The following HERC2 variants were observed in gnomAD, a reference collection of about 807,000 sequenced individuals.
HERC2 encodes the protein HECT and RLD domain containing E3 ubiquitin protein ligase 2.
Under a neutral mutation model 537.7 loss-of-function variants are expected in HERC2, and 102 were observed. The observed-to-expected ratio is 0.19, with a 90% confidence interval of 0.16 to 0.22. HERC2 has a LOEUF of 0.22. Among genes scored for constraint, HERC2 ranks in the 10% least tolerant of loss-of-function variants. HERC2 has a pLI of 1.00. For missense variants in HERC2, 4,236 were observed against 6,198.2 expected, an observed-to-expected ratio of 0.68 and a Z score of 10.63; for synonymous variants, 2,224 against 2,466.2, an observed-to-expected ratio of 0.90 and a Z score of 2.91.
At chr15:28,282,432 CAT>C (rs1292458740) in intron 4 of HERC2, among the ~76,000 whole-genome samples, 4 of 151,902 alleles carry the variant, frequency 2.6e-5, no homozygotes, top group East Asian at 1.9e-4. Context: ...ATTACAAACA[CAT>C]GTGAAATAAA....
rs927342414 is a variant in HERC2, at chr15:28,265,129, A to C, written c.1870+489T>G. 1.9e-4 allele frequency among the ~76,000 whole-genome samples: 29 copies of C among 152,150 alleles called. No homozygotes were observed. Among genetic ancestry groups the C allele is most frequent in the Non-Finnish European group, 3.1e-4 (21 of 68,042 alleles). The stretch of plus-strand genomic sequence containing the variant: ...CCACCACAATACTGAAAGACGAGTC[A>C]TTTCTAAAATATTAACATGACTTTA... On this transcript the variant is annotated intron_variant, in intron 14 of 92. Transcript: ENST00000261609. The surrounding 1 kb of genome is among the most constrained non-coding windows in gnomAD (Gnocchi z 4.0).
chr15:28,190,670 G>T, intron 55 of HERC2: 1 of 458,028 alleles, frequency 2.2e-6, no homozygotes, highest in Non-Finnish European at 3.9e-6. Context: ...GTGTTCAGAT[G>T]CAATCAGCAA....
chr15:28,191,870 CT>C, intron 53 of HERC2, 90 bp downstream of exon 53: 1 of 1,181,734 alleles, frequency 8.5e-7, no homozygotes, highest in Non-Finnish European at 1.2e-6. Flanking sequence ...ATCAGCAAAA[CT>C]TTGCAGGCTG....
chr15:28,152,890 A>C (rs539739338), intron 69 of HERC2, 60 bp from the exon 70 acceptor site: 2 of 1,508,540 alleles, frequency 1.3e-6, no homozygotes, highest in Admixed American at 2.0e-5. Flanking sequence ...GGTCACCTGC[A>C]TGCCACCTCT....
At chr15:28,271,009 T>C (rs1215668045) in intron 9 of HERC2, 141 bp from the exon 10 acceptor site, 10 of 684,566 alleles carry the variant, frequency 1.5e-5, no homozygotes, top group Middle Eastern at 4.1e-4. Context: ...AGTTATACTA[T>C]ACATCTATAT....
Position 28,220,528 on chromosome 15 carries a change from T to C in HERC2, c.5769A>G (p.Lys1923=). ...TNSYRMGKEG[K]YDLKLAELPA... ...GCAGCTCTGCCAGCTTGAGGTCGTA[T>C]TTTCCTTCTTTCCCCATCCTGTAGG... is the stretch of plus-strand genomic sequence containing the variant. The change falls in exon 37 of 93, where the codon AAA becomes AAG. Residue 1923 remains lysine, a synonymous_variant. Coordinates refer to ENST00000261609, the MANE Select transcript of HERC2 (RefSeq NM_004667.6). The C allele has an allele frequency of 6.2e-7, 1 of 1,601,518 alleles. No individual in the cohort carries two copies. Among genetic ancestry groups the C allele is most frequent in the Non-Finnish European group, 8.5e-7 (1 of 1,179,790 alleles).
intron 2 of HERC2, among the ~76,000 whole-genome samples, chr15:28,315,176 CAAG>C (rs1221104848): frequency 6.6e-6 from 1 of 152,202 alleles, no homozygotes; most frequent in African/African-American, 2.4e-5. Flanking sequence ...TAAAATAGTC[CAAG>C]GAGGAAAGAA....
intron 7 of HERC2, among the ~76,000 whole-genome samples, 185 bp downstream of exon 7, chr15:28,274,106 G>C (rs1230069189): frequency 1.3e-5 from 2 of 152,212 alleles, no homozygotes; most frequent in Admixed American, 6.5e-5. Flanking sequence ...TCTAGTCAGA[G>C]TATCATAAAT....
intron 45 of HERC2, among the ~76,000 whole-genome samples, chr15:28,204,925 G>A (rs560723376): frequency 1.3e-5 from 2 of 152,196 alleles, no homozygotes; most frequent in South Asian, 2.1e-4. Flanking sequence ...AAAGAGCAAG[G>A]CAGGGGGAAA....
chr15:28,273,308 TCTAG>T (rs966551267), intron 7 of HERC2: 3 of 440,478 alleles, frequency 6.8e-6, no homozygotes, highest in African/African-American at 4.0e-5. Context: ...TAGAAGAATA[TCTAG>T]CTATCTTTTC....
Position 28,144,150 on chromosome 15 carries a change from G to T in HERC2, c.11226C>A (p.Asn3742Lys). ...LVTCLLDFRL[N>K]LASNRSIVPR... is the part of the protein sequence containing the mutation. ...GGACGATGCTTCTGTTAGAGGCAAG[G>T]TTGAGTCGGAAGTCTAACAGACACG... Residue 3742 changes from asparagine (N) to lysine (K), a missense_variant, in exon 73 of 93, where the codon AAC becomes AAA. Transcript: ENST00000261609. The T allele has an allele frequency of 6.2e-7, 1 of 1,614,226 alleles. No homozygotes were observed. Among genetic ancestry groups the T allele is most frequent in the Admixed American group, 1.7e-5 (1 of 60,034 alleles).
intron 26 of HERC2, among the ~76,000 whole-genome samples, chr15:28,236,194 G>A (rs1346137662): frequency 6.6e-6 from 1 of 152,128 alleles, no homozygotes; most frequent in African/African-American, 2.4e-5. Context: ...TGCAGCAACA[G>A]ACCATGAGGG....
In HERC2 at chr15:28,216,860, A is replaced by C. The variant is rs370752460; in HGVS notation, c.6029-1058T>G. Among the ~76,000 whole-genome samples, 43 of 149,802 alleles carry C rather than the reference A, an allele frequency of 2.9e-4. No homozygotes were observed. The South Asian group carries it at 8.7e-3, about 30-fold the overall frequency. On this transcript the variant is annotated intron_variant, in intron 38 of 92. Transcript: ENST00000261609. ...ACACTTACCCCTCCCAATGCATACA[A>C]AAACTCACATATGCACTCACACTCC...
In HERC2 at chr15:28,140,679, G is replaced by A. The variant is rs73379656; in HGVS notation, c.12015+753C>T. On this transcript the variant is annotated intron_variant, in intron 78 of 92. Coordinates refer to ENST00000261609, the MANE Select transcript of HERC2 (RefSeq NM_004667.6). Reference sequence around the variant, plus strand: ...TGGGATTACAGGCACATGTCACTGAGCCTGGCTTATTTTTGTATTTTTCGT... The same window carrying A: ...TGGGATTACAGGCACATGTCACTGAACCTGGCTTATTTTTGTATTTTTCGT... 1.5e-3 allele frequency among the ~76,000 whole-genome samples: 235 copies of A among 151,822 alleles called. 1 individual carries two copies. The highest frequency in any genetic ancestry group is 5.3e-3 in the African/African-American group (220 of 41,466).
intron 3 of HERC2, chr15:28,298,779 G>C (rs981669269): frequency 6.6e-6 from 1 of 152,054 alleles, no homozygotes; most frequent in African/African-American, 2.4e-5. Flanking sequence ...CTCAGCAACA[G>C]AGCAAGACTC....
intron 44 of HERC2, 119 bp downstream of exon 44, chr15:28,210,883 T>C (rs1405337392): frequency 1.9e-6 from 2 of 1,036,598 alleles, no homozygotes; most frequent in Non-Finnish European, 3.0e-6. Context: ...GCAGGCCACA[T>C]GTCTGTCTTG....
chr15:28,314,965 T>A (rs1182617675), intron 2 of HERC2, among the ~76,000 whole-genome samples: 3 of 152,094 alleles, frequency 2.0e-5, no homozygotes, highest in African/African-American at 4.8e-5. Context: ...CGCAGGACAA[T>A]AGCCAAGGTG....
At position 28,111,775 on chromosome 15, in the gene HERC2, T is replaced by C. The variant is rs778465256; in HGVS notation, c.14493A>G (p.Leu4831=). 6.2e-7 allele frequency: 1 copy of C among 1,613,750 alleles called. No individual in the cohort carries two copies. Among genetic ancestry groups the C allele is most frequent in the Non-Finnish European group, 8.5e-7 (1 of 1,179,596 alleles). Residue 4831 remains leucine, a synonymous_variant, in exon 93 of 93, where the codon TTA becomes TTG. Coordinates refer to ENST00000261609, the MANE Select transcript of HERC2 (RefSeq NM_004667.6). ...SFASDSTQDY[L]TGH is the part of the protein sequence containing the mutation. ...ACGTTTCCCCATCTTAGTGTCCTGT[T>C]AAATAATCTTGTGTAGAGTCCGAAG... is the stretch of plus-strand genomic sequence containing the variant.
intron 2 of HERC2, among the ~76,000 whole-genome samples, chr15:28,304,702 ATTTTT>A (rs780900477): frequency 6.5e-5 from 7 of 108,320 alleles, no homozygotes; most frequent in Admixed American, 3.7e-4. Flanking sequence ...AAGGGCTTCC[ATTTTT>A]TTTTTTTTTT....
Sources: gnomAD v4.1 joint callset for allele counts (sites outside exome capture counted in the v4.1 genomes callset) on GRCh38, gnomAD v4.1.1 for gene constraint, Gnocchi (gnomAD v3.1) non-coding constraint, MANE v1.5 for transcripts, NCBI Gene and HGNC (gene_info 2026-07-23, HGNC 2026-07-21) for gene names.